The following GCFC2 variants were observed in gnomAD, a reference collection of about 807,000 sequenced individuals.
The protein encoded by GCFC2 is intron Large complex component GCFC2.
In GCFC2, 102 loss-of-function variants were observed where a neutral mutation model predicts 99.4. That is an observed-to-expected ratio of 1.03 (90% confidence interval 0.87 to 1.21). The LOEUF is 1.21. Among genes scored for constraint, GCFC2 ranks in the 50% most tolerant of loss-of-function variants. GCFC2 has a pLI of 0.00. For synonymous variants in GCFC2, 338 were observed against 316.8 expected, an observed-to-expected ratio of 1.07 and a Z score of -0.71; for missense variants, 973 against 920.9, an observed-to-expected ratio of 1.06 and a Z score of -0.73.
intron 12 of GCFC2, among the ~76,000 whole-genome samples, chr2:75,674,502 G>C (rs1010048549): frequency 6.6e-6 from 1 of 151,144 alleles, no homozygotes; most frequent in African/African-American, 2.4e-5. Context: ...TTATAACTTT[G>C]AAAAAAAAGC....
At chr2:75,669,323 A>G (rs1573041626) in intron 15 of GCFC2, among the ~76,000 whole-genome samples, 1 of 152,206 alleles carries the variant, frequency 6.6e-6, no homozygotes, top group Non-Finnish European at 1.5e-5. Context: ...AGCAGTAGAA[A>G]GAATAGTATA....
At chr2:75,703,086 AT>A (rs1001253840) in intron 2 of GCFC2, among the ~76,000 whole-genome samples, 3 of 151,970 alleles carry the variant, frequency 2.0e-5, no homozygotes, top group Admixed American at 6.6e-5. Context: ...AGAGAGTCTT[AT>A]TTTTTTTCTT....
At chr2:75,712,860 C>T (rs1681245681), upstream of GCFC2, among the ~76,000 whole-genome samples, 1 of 152,178 alleles carries the variant, frequency 6.6e-6, no homozygotes, top group Non-Finnish European at 1.5e-5. Flanking sequence ...AGACCAAGAA[C>T]CCACCAATTC....
At position 75,663,451 on chromosome 2, in the gene GCFC2, T is replaced by A. The variant is rs1166965626; in HGVS notation, c.*1215A>T. 1 of 152,142 alleles carries A rather than the reference T, an allele frequency of 6.6e-6. No individual in the cohort carries two copies. The highest frequency in any genetic ancestry group is 1.9e-4 in the East Asian group (1 of 5,202). 9.4% of individuals were successfully genotyped at this position (152,142 alleles called of 1,614,324 possible). ...ATATTTTATCAGAAAATGAATCACA[T>A]GTTGTGAGTATTTAAAATATCTGTT... is the stretch of plus-strand genomic sequence containing the variant. On this transcript the variant is annotated 3_prime_UTR_variant, in exon 17 of 17. Transcript: ENST00000321027.
At chr2:75,668,070 C>T (rs776641837) in intron 15 of GCFC2, among the ~76,000 whole-genome samples, 19 of 152,156 alleles carry the variant, frequency 1.2e-4, no homozygotes, top group Non-Finnish European at 2.4e-4. Context: ...AAACTGGTGC[C>T]TGAGTACAAG....
At chr2:75,703,326 C>T (rs1377281550) in intron 2 of GCFC2, among the ~76,000 whole-genome samples, 4 of 152,170 alleles carry the variant, frequency 2.6e-5, no homozygotes, top group Non-Finnish European at 4.4e-5. Flanking sequence ...AACTTTCCCA[C>T]AAGTTGACCC....
At chr2:75,670,506 A>G (rs1038018895) in intron 14 of GCFC2, 4 of 373,424 alleles carry the variant, frequency 1.1e-5, no homozygotes, top group African/African-American at 6.1e-5. Flanking sequence ...CCATCCCCAA[A>G]TCTATCTCAA....
intron 15 of GCFC2, among the ~76,000 whole-genome samples, chr2:75,668,475 T>C (rs1678947856): frequency 6.6e-6 from 1 of 152,228 alleles, no homozygotes; most frequent in Non-Finnish European, 1.5e-5. Flanking sequence ...TGTCTGCATC[T>C]TGTTATTGGG....
intron 1 of GCFC2, 115 bp downstream of exon 1, chr2:75,710,476 C>G (rs538187262): frequency 7.2e-7 from 1 of 1,390,478 alleles, no homozygotes; most frequent in African/African-American, 1.5e-5. Flanking sequence ...TAAGACTCAG[C>G]ATGGCTTGTG....
At chr2:75,692,729 A>T (rs764129020) in intron 6 of GCFC2, among the ~76,000 whole-genome samples, 16 of 151,074 alleles carry the variant, frequency 1.1e-4, no homozygotes, top group Admixed American at 2.0e-4. Flanking sequence ...TTTTTTTGAG[A>T]CAGAAGAATA....
At chr2:75,690,468 T>C (rs1680016544) in intron 8 of GCFC2, 170 bp downstream of exon 8, 3 of 569,756 alleles carry the variant, frequency 5.3e-6, no homozygotes, top group Non-Finnish European at 9.1e-6. Flanking sequence ...CACCAATGTG[T>C]CTTTAAAGCA....
At chr2:75,700,038 C>G (rs1680512727) in intron 4 of GCFC2, among the ~76,000 whole-genome samples, 1 of 152,026 alleles carries the variant, frequency 6.6e-6, no homozygotes, top group Non-Finnish European at 1.5e-5. Context: ...GCAGCTAGGA[C>G]TACAGGTGTG....
intron 12 of GCFC2, among the ~76,000 whole-genome samples, chr2:75,679,310 A>G (rs1326808429): frequency 6.6e-6 from 1 of 152,118 alleles, no homozygotes; most frequent in African/African-American, 2.4e-5. Flanking sequence ...TTGCTTTTCA[A>G]CCACCTCTGT....
chr2:75,686,001 TTC>T (rs1679797317), intron 11 of GCFC2, among the ~76,000 whole-genome samples: 1 of 152,212 alleles, frequency 6.6e-6, no homozygotes, highest in East Asian at 1.9e-4. Context: ...CATTAGCACA[TTC>T]TGTTAGTGCT....
intron 12 of GCFC2, chr2:75,679,773 A>G (rs1172353574): frequency 2.5e-6 from 1 of 399,028 alleles, no homozygotes; most frequent in Non-Finnish European, 4.4e-6. Context: ...TCATCTCTGC[A>G]GGGCCAGTGT....
chr2:75,702,556 T>G, intron 2 of GCFC2, 133 bp from the exon 3 acceptor site: 1 of 659,828 alleles, frequency 1.5e-6, no homozygotes, highest in Non-Finnish European at 2.6e-6. Context: ...GTGACTTTAA[T>G]AAATGGCTCA....
rs112626406 is a variant in GCFC2 at position 75,675,519 on chromosome 2, G to T, written c.1813-1999C>A. Among the ~76,000 whole-genome samples, 936 of 152,110 alleles carry T rather than the reference G, an allele frequency of 6.2e-3. 11 individuals are homozygous for T. Among genetic ancestry groups the T allele is most frequent in the African/African-American group, 0.021 (857 of 41,522 alleles). On this transcript the variant is annotated intron_variant, in intron 12 of 16. Coordinates refer to ENST00000321027, the MANE Select transcript of GCFC2 (RefSeq NM_003203.5). ...GCACTTTGGGAGGCTGAGGTGGGTGGGTCACTTGAGGCCAGGAGTTTGAGA... is the reference window on the plus strand; with the variant it reads ...GCACTTTGGGAGGCTGAGGTGGGTGTGTCACTTGAGGCCAGGAGTTTGAGA...
At chr2:75,709,536 G>C (rs959766329) in intron 1 of GCFC2, among the ~76,000 whole-genome samples, 2 of 152,174 alleles carry the variant, frequency 1.3e-5, no homozygotes, top group African/African-American at 4.8e-5. Flanking sequence ...GAGTCGAGTA[G>C]TGGTTAGAAG....
At chr2:75,697,378 T>G (rs1490169413) in intron 4 of GCFC2, among the ~76,000 whole-genome samples, 1 of 152,224 alleles carries the variant, frequency 6.6e-6, no homozygotes, top group Non-Finnish European at 1.5e-5. Flanking sequence ...TACGCATATC[T>G]ACAAAATCTC....
Sources: allele counts gnomAD v4.1 joint callset (sites outside exome capture counted in the v4.1 genomes callset), GRCh38; gene constraint gnomAD v4.1.1; transcripts MANE v1.5; gene names NCBI Gene and HGNC (gene_info 2026-07-23, HGNC 2026-07-21).